Variants in FHIT observed in about 807,000 individuals in gnomAD.
FHIT encodes fragile histidine triad diadenosine triphosphatase.
A neutral mutation model predicts 17.9 loss-of-function variants in FHIT; 19 were observed. That is an observed-to-expected ratio of 1.06 (90% CI 0.74 to 1.56). The LOEUF (loss-of-function observed/expected upper bound fraction) is 1.56, where lower values mean the gene tolerates loss of function less well. Among genes scored for constraint, FHIT ranks in the 40% most tolerant of loss-of-function variants. The pLI, the probability that FHIT is intolerant of heterozygous loss-of-function variation, is 0.00. For synonymous variants in FHIT, 81 were observed against 69.7 expected (o/e 1.16, Z -0.81); for missense variants, 248 against 189.2 (o/e 1.31, Z -1.82).
At chr3:60,811,587 G>A (rs1701572758) in intron 4 of FHIT, among the ~76,000 whole-genome samples, 1 of 152,110 alleles carries the variant, frequency 6.6e-6, no homozygotes. Context: ...CTACCCTGAA[G>A]GAAGTTGAGA....
intron 5 of FHIT, among the ~76,000 whole-genome samples, chr3:60,269,321 G>A (rs78559259): frequency 0.09 from 13,696 of 152,198 alleles, 775 homozygotes; most frequent in Non-Finnish European, 0.13. Flanking sequence ...AATCACTGGA[G>A]TTTTCCTGTC....
At chr3:59,811,603 G>GA (rs1280835729) in intron 8 of FHIT, among the ~76,000 whole-genome samples, 1 of 152,060 alleles carries the variant, frequency 6.6e-6, no homozygotes, top group Non-Finnish European at 1.5e-5. Flanking sequence ...AAGGAAGGAA[G>GA]AAAAAGAAAA....
At chr3:59,989,639 G>A (rs1488535924) in intron 7 of FHIT, among the ~76,000 whole-genome samples, 1 of 152,056 alleles carries the variant, frequency 6.6e-6, no homozygotes, top group African/African-American at 2.4e-5. Context: ...CAGGAAGAGA[G>A]CAGATCTCAT....
intron 8 of FHIT, among the ~76,000 whole-genome samples, chr3:59,753,460 A>G (rs910125577): frequency 6.6e-6 from 1 of 152,162 alleles, no homozygotes; most frequent in African/African-American, 2.4e-5. Context: ...TCTTCCTTAG[A>G]AATGCTCAAT....
chr3:61,016,784 C>A (rs2032133394), intron 3 of FHIT, among the ~76,000 whole-genome samples: 1 of 152,174 alleles, frequency 6.6e-6, no homozygotes, highest in African/African-American at 2.4e-5. Flanking sequence ...TGTGTGTGCA[C>A]AAACTAAAGG....
chr3:60,894,991 T>C (rs1001093369), intron 3 of FHIT, among the ~76,000 whole-genome samples: 4 of 152,206 alleles, frequency 2.6e-5, no homozygotes, highest in Admixed American at 6.5e-5. Context: ...GATAGAATAC[T>C]ATCTTACACG....
At chr3:60,774,320 GA>G (rs1465914874) in intron 4 of FHIT, among the ~76,000 whole-genome samples, 3 of 152,026 alleles carry the variant, frequency 2.0e-5, no homozygotes, top group African/African-American at 7.3e-5. Context: ...TTCTTTTTGA[GA>G]TGGAGTTCCA....
rs191742434 is a variant in FHIT at position 59,786,847 on chromosome 3, C to T, written c.349-34526G>A. On this transcript the variant is annotated intron_variant, in intron 8 of 9. Coordinates refer to ENST00000492590, the MANE Select transcript of FHIT (RefSeq NM_002012.4). ...CCAGCTGTTCCTGTGGCTGCTGCTG[C>T]GAACACCTCATTGAAGAAATCAAGG... Among the ~76,000 whole-genome samples the T allele has an allele frequency of 6.6e-5, 10 of 152,358 alleles. No homozygotes were observed. The East Asian group carries it at 1.5e-3, about 24-fold the overall frequency.
At chr3:60,931,584 C>T (rs999118721) in intron 3 of FHIT, among the ~76,000 whole-genome samples, 4 of 129,124 alleles carry the variant, frequency 3.1e-5, no homozygotes, top group Non-Finnish European at 5.5e-5. Context: ...CAGAAGCTTC[C>T]GGCTTCCACC....
intron 8 of FHIT, among the ~76,000 whole-genome samples, chr3:59,878,480 T>G (rs1236383504): frequency 6.6e-6 from 1 of 152,162 alleles, no homozygotes; most frequent in Non-Finnish European, 1.5e-5. Context: ...GAACTATTAT[T>G]TTCAGAGGCA....
intron 5 of FHIT, among the ~76,000 whole-genome samples, chr3:60,067,738 G>A (rs1294532226): frequency 4.6e-5 from 7 of 152,104 alleles, no homozygotes; most frequent in Admixed American, 1.3e-4. Flanking sequence ...ATTTCCACGC[G>A]ACAGCCCCAT....
chr3:59,910,035 G>A (rs1704793246), intron 8 of FHIT, among the ~76,000 whole-genome samples: 2 of 152,214 alleles, frequency 1.3e-5, no homozygotes, highest in Admixed American at 6.5e-5. Flanking sequence ...TTTTCCCAGT[G>A]AATTTAGAAA....
chr3:60,727,665 A>G (rs2107978726), intron 4 of FHIT, among the ~76,000 whole-genome samples: 1 of 152,370 alleles, frequency 6.6e-6, no homozygotes, highest in East Asian at 1.9e-4. Flanking sequence ...GTATTTTATC[A>G]ATTAAAACTT....
intron 5 of FHIT, among the ~76,000 whole-genome samples, chr3:60,374,153 G>C (rs567030020): frequency 6.6e-6 from 1 of 152,130 alleles, no homozygotes; most frequent in Admixed American, 6.5e-5. Context: ...GAAGAATTAA[G>C]CCAAGAAATA....
At chr3:60,011,309 G>A (rs1700128447) in intron 7 of FHIT, 62 bp downstream of exon 7, 2 of 1,511,582 alleles carry the variant, frequency 1.3e-6, no homozygotes, top group Non-Finnish European at 1.8e-6. Context: ...GACTCGTTGT[G>A]ATTTTTTATT....
Position 60,777,140 on chromosome 3 carries a change from G to A in FHIT, c.-18+44779C>T, listed in dbSNP as rs146890852. ...ATAACTTTTGGTAATGTTGACAAAA[G>A]GAGTCAAATTCTGTAAAATATTTTT... is the stretch of plus-strand genomic sequence containing the variant. On this transcript the variant is annotated intron_variant, in intron 4 of 9. Transcript: ENST00000492590. Among the ~76,000 whole-genome samples, 929 of 152,286 alleles carry A rather than the reference G, an allele frequency of 6.1e-3. 4 individuals are homozygous for A. Among genetic ancestry groups the A allele is most frequent in the African/African-American group, 0.022 (899 of 41,556 alleles).
chr3:60,561,014 A>AT (rs2036923805), intron 4 of FHIT, among the ~76,000 whole-genome samples: 1 of 152,034 alleles, frequency 6.6e-6, no homozygotes, highest in Admixed American at 6.6e-5. Flanking sequence ...GTGCCAGGCA[A>AT]ATAATTGATA....
chr3:60,261,779 T>C (rs1338841512), intron 5 of FHIT, among the ~76,000 whole-genome samples: 1 of 151,546 alleles, frequency 6.6e-6, no homozygotes, highest in Non-Finnish European at 1.5e-5. Context: ...CCTTCTCCTC[T>C]GAAGCAGACT....
intron 5 of FHIT, among the ~76,000 whole-genome samples, chr3:60,469,820 G>A (rs914156833): frequency 6.6e-6 from 1 of 152,116 alleles, no homozygotes; most frequent in African/African-American, 2.4e-5. Flanking sequence ...AGGGACATGG[G>A]TGTAGTCATC....
Sources: allele counts gnomAD v4.1 joint callset (sites outside exome capture counted in the v4.1 genomes callset), GRCh38; gene constraint gnomAD v4.1.1; transcripts MANE v1.5; gene names NCBI Gene and HGNC (gene_info 2026-07-23, HGNC 2026-07-21).